The following FGF13 variants were observed in gnomAD, a reference collection of about 807,000 sequenced individuals.
FGF13 encodes fibroblast growth factor homologous factor 2.
Under a neutral mutation model 19.5 loss-of-function variants are expected in FGF13, and 2 were observed. The observed-to-expected ratio is 0.10, with a 90% CI of 0.04 to 0.32. FGF13 has a LOEUF of 0.32. Ranked by LOEUF, FGF13 falls within the 10% of genes least tolerant of loss-of-function variation. FGF13 has a pLI of 1.00. For missense variants in FGF13, 113 were observed against 192.7 expected, an observed-to-expected ratio of 0.59 and a Z score of 2.45; for synonymous variants, 72 against 76.9, an observed-to-expected ratio of 0.94 and a Z score of 0.33.
At chrX:139,163,341 C>G (rs769646745) in intron 1 of FGF13, among the ~76,000 whole-genome samples, 1 of 110,375 alleles carries the variant, frequency 9.1e-6, no homozygotes, top group Non-Finnish European at 1.9e-5. Flanking sequence ...GAGTTGAACA[C>G]TGAGAACACA....
intron 1 of FGF13, among the ~76,000 whole-genome samples, chrX:138,945,575 G>A (rs778927355): frequency 3.6e-5 from 4 of 111,830 alleles, no homozygotes; most frequent in Non-Finnish European, 7.5e-5. Context: ...CCAACAGAAC[G>A]AATTAACCCT....
intron 1 of FGF13, among the ~76,000 whole-genome samples, chrX:139,011,366 A>C (rs866532428): frequency 0.051 from 1,438 of 27,967 alleles, 14 homozygotes; most frequent in Middle Eastern, 0.073. Flanking sequence ...ACAAACAAAA[A>C]AAAAAAAAAA....
chrX:138,686,032 T>A (rs1314153920), intron 3 of FGF13, among the ~76,000 whole-genome samples: 2 of 110,763 alleles, frequency 1.8e-5, no homozygotes, highest in Non-Finnish European at 1.9e-5. Context: ...AAAAGAAAAA[T>A]TCTTTACTAT....
intron 1 of FGF13, among the ~76,000 whole-genome samples, chrX:138,905,973 T>C (rs2091556252): frequency 9.0e-6 from 1 of 111,663 alleles, no homozygotes; most frequent in Non-Finnish European, 1.9e-5. Context: ...CCATGGATGC[T>C]ATAGGTTAAG....
At chrX:138,950,314 T>C (rs1256753586) in intron 1 of FGF13, among the ~76,000 whole-genome samples, 1 of 112,195 alleles carries the variant, frequency 8.9e-6, no homozygotes, top group Non-Finnish European at 1.9e-5. Flanking sequence ...TCATTTGAAA[T>C]TGGATATCTC....
rs1270787138 is a variant in FGF13, at chrX:138,614,952, A to T, written c.*17898T>A. The T allele has an allele frequency of 1.8e-5, 2 of 112,353 alleles. No individual in the cohort carries two copies. The highest frequency in any genetic ancestry group is 3.8e-5 in the Non-Finnish European group (2 of 53,278). 9.3% of individuals were successfully genotyped at this position (112,353 alleles called of 1,213,427 possible). A position where few individuals can be genotyped will look rare whatever the true frequency, so the allele number is the denominator to read the frequency against. On this transcript the variant is annotated 3_prime_UTR_variant, in exon 5 of 5. Transcript: ENST00000315930. ...ATCTCTATGTGTTATATACTGTATG[A>T]TGACATTTATATAACAATTCTGAAA...
At chrX:138,698,056 A>G (rs1247850563) in intron 3 of FGF13, among the ~76,000 whole-genome samples, 1 of 110,665 alleles carries the variant, frequency 9.0e-6, no homozygotes, top group Non-Finnish European at 1.9e-5. Context: ...AGCATATATC[A>G]TGGACAAAAG....
At chrX:139,181,670 C>A (rs1253741825) in intron 1 of FGF13, among the ~76,000 whole-genome samples, 1 of 112,414 alleles carries the variant, frequency 8.9e-6, no homozygotes, top group Non-Finnish European at 1.9e-5. Flanking sequence ...TACACTAGTC[C>A]CTGCCTTCAA....
intron 3 of FGF13, among the ~76,000 whole-genome samples, chrX:138,807,513 T>G (rs893261196): frequency 5.4e-5 from 6 of 111,901 alleles, no homozygotes; most frequent in Non-Finnish European, 9.4e-5. Flanking sequence ...AGACTATCGA[T>G]GCTAGGAAGA....
At chrX:138,672,585 T>C (rs184404041) in intron 3 of FGF13, among the ~76,000 whole-genome samples, 137 of 112,042 alleles carry the variant, frequency 1.2e-3, no homozygotes, top group Non-Finnish European at 1.5e-3. Flanking sequence ...AATATTTCTA[T>C]TTGGGACTTG....
chrX:139,124,996 A>G (rs1857273387), intron 1 of FGF13, among the ~76,000 whole-genome samples: 1 of 111,737 alleles, frequency 8.9e-6, no homozygotes, highest in Admixed American at 9.5e-5. Context: ...TCAGCCTCCA[A>G]AACAGGAGTC....
chrX:139,174,062 T>A (rs2084157298), intron 1 of FGF13, among the ~76,000 whole-genome samples: 1 of 112,195 alleles, frequency 8.9e-6, no homozygotes, highest in African/African-American at 3.2e-5. Context: ...CTGCAGCATC[T>A]GTTGTTTCCT....
intron 1 of FGF13, among the ~76,000 whole-genome samples, chrX:138,898,768 T>C (rs893864240): frequency 1.8e-5 from 2 of 112,032 alleles, no homozygotes; most frequent in African/African-American, 6.5e-5. Flanking sequence ...AGCAATTTTA[T>C]AGATGGAAAG....
intron 1 of FGF13, among the ~76,000 whole-genome samples, chrX:139,095,553 A>G (rs1433252613): frequency 5.4e-5 from 6 of 111,056 alleles, no homozygotes; most frequent in Non-Finnish European, 7.5e-5. Context: ...TTGAATCTCA[A>G]CTCCTCCATT....
At chrX:138,987,511 T>G (rs1003445320) in intron 1 of FGF13, among the ~76,000 whole-genome samples, 1 of 112,264 alleles carries the variant, frequency 8.9e-6, no homozygotes, top group Non-Finnish European at 1.9e-5. Context: ...CAAAATTGGA[T>G]AATTTTCAGC....
intron 3 of FGF13, among the ~76,000 whole-genome samples, chrX:138,778,655 C>T (rs745844636): frequency 8.9e-6 from 1 of 112,202 alleles, no homozygotes; most frequent in East Asian, 2.8e-4. Context: ...GCACCTGGCT[C>T]GGAGGGTGCT....
At chrX:138,728,399 C>G (rs2090202108) in intron 1 of FGF13, among the ~76,000 whole-genome samples, 1 of 111,635 alleles carries the variant, frequency 9.0e-6, no homozygotes, top group East Asian at 2.8e-4. Context: ...TGGGTTTAAC[C>G]AGGCAATGTG....
intron 3 of FGF13, among the ~76,000 whole-genome samples, chrX:138,778,556 G>A (rs1392058856): frequency 8.9e-6 from 1 of 112,370 alleles, no homozygotes; most frequent in Non-Finnish European, 1.9e-5. Context: ...AGGGGTGACA[G>A]ACCGCACCTG....
chrX:138,879,365 T>C lies in FGF13; in HGVS notation c.-112-14715A>G, dbSNP rs939929361. Among the ~76,000 whole-genome samples the C allele has an allele frequency of 5.4e-4, 60 of 112,044 alleles. 1 individual carries two copies. The highest frequency in any genetic ancestry group is 9.5e-4 in the Admixed American group (10 of 10,523). The stretch of plus-strand genomic sequence containing the variant: ...TTCTTTGATACACAACGATTTTTAA[T>C]TTTGATATAATCCAATTTTACTTCC... On this transcript the variant is annotated intron_variant, in intron 1 of 2. Coordinates refer to the FGF13 transcript ENST00000421460.
Sources: gnomAD v4.1 joint callset for allele counts (sites outside exome capture counted in the v4.1 genomes callset) on GRCh38, gnomAD v4.1.1 for gene constraint, MANE v1.5 for transcripts, NCBI Gene and HGNC (gene_info 2026-07-23, HGNC 2026-07-21) for gene names.